The following SPATA6 variants were observed in gnomAD, a reference collection of about 807,000 sequenced individuals.
SPATA6 encodes the protein spermatogenesis associated 6.
SPATA6 carries 56 observed loss-of-function variants against 65.3 expected under a neutral mutation model. The observed-to-expected ratio is 0.86, with a 90% CI of 0.69 to 1.07. SPATA6 has a LOEUF of 1.07. Among genes scored for constraint, SPATA6 ranks in the 50% least tolerant of loss-of-function variants. The probability of loss-of-function intolerance (pLI) is 0.00; values close to 1 mark genes in which losing one functional copy is unlikely to be tolerated. For missense variants in SPATA6, 590 were observed against 594.8 expected, an observed-to-expected ratio of 0.99 and a Z score of 0.08; for synonymous variants, 199 against 213.2, an observed-to-expected ratio of 0.93 and a Z score of 0.58.
In SPATA6 at chr1:48,394,980, TAATC is replaced by T. The variant is rs529709095; in HGVS notation, c.868+283_868+286del. The stretch of plus-strand genomic sequence containing the variant: ...TATAAAATGTTGAGTAAAAGTAAAT[TAATC>T]AAGTCATTTTTTACTAGAATATATC... On this transcript the variant is annotated intron_variant, in intron 8 of 12. Coordinates refer to ENST00000371847, the MANE Select transcript of SPATA6 (RefSeq NM_019073.4). Among the ~76,000 whole-genome samples the T allele has an allele frequency of 6.6e-5, 10 of 152,124 alleles. No individual in the cohort carries two copies. The East Asian group carries it at 1.9e-3, about 29-fold the overall frequency.
the SPATA6 span, among the ~76,000 whole-genome samples, chr1:48,277,650 C>A: frequency 6.6e-6 from 1 of 152,250 alleles, no homozygotes; most frequent in African/African-American, 2.4e-5. Context: ...ATTGCGCAGG[C>A]TTGCTTAGGT....
Position 48,413,123 on chromosome 1 carries a change from C to A in SPATA6, c.267G>T (p.Gln89His), listed in dbSNP as rs542534927. 20 of 1,384,270 alleles carry A rather than the reference C, an allele frequency of 1.4e-5. No individual in the cohort carries two copies. The highest frequency in any genetic ancestry group is 1.9e-5 in the Non-Finnish European group (20 of 1,062,340). 85.7% of individuals were successfully genotyped at this position (1,384,270 alleles called of 1,614,324 possible). A position where few individuals can be genotyped will look rare whatever the true frequency, so the allele number is the denominator to read the frequency against. Reference protein sequence around the residue: ...EYDTAVFELIQLVPPVGETLS... With the variant: ...EYDTAVFELIHLVPPVGETLS... ...AATATATATTACCTGGTGGAACTAG[C>A]TGTATCAACTCGAACACTGCTGTAT... Residue 89 changes from glutamine to histidine, a missense_variant, in exon 4 of 13, where the codon CAG becomes CAT. Transcript: ENST00000371847.
At chr1:48,310,626 G>A (rs1490368157) in intron 11 of SPATA6, among the ~76,000 whole-genome samples, 3 of 152,152 alleles carry the variant, frequency 2.0e-5, no homozygotes, top group Non-Finnish European at 4.4e-5. Context: ...AACAGGATGT[G>A]TGTACAGTTC....
chr1:48,324,128 T>G (rs71645900), intron 11 of SPATA6, among the ~76,000 whole-genome samples: 1 of 151,944 alleles, frequency 6.6e-6, no homozygotes, highest in Non-Finnish European at 1.5e-5. Flanking sequence ...CTATTATTAT[T>G]ATTATTATTT....
chr1:48,311,284 C>T (rs1645200428), intron 11 of SPATA6, among the ~76,000 whole-genome samples: 1 of 151,884 alleles, frequency 6.6e-6, no homozygotes, highest in South Asian at 2.1e-4. Context: ...TTCTTTGAAA[C>T]CATAAAACAT....
At chr1:48,307,245 C>A (rs1477964491) in intron 11 of SPATA6, among the ~76,000 whole-genome samples, 1 of 150,894 alleles carries the variant, frequency 6.6e-6, no homozygotes. Context: ...CCATCTAGAT[C>A]AAGGATATCA....
intron 3 of SPATA6, among the ~76,000 whole-genome samples, chr1:48,430,569 G>T (rs191134648): frequency 6.6e-6 from 1 of 152,216 alleles, no homozygotes; most frequent in East Asian, 1.9e-4. Flanking sequence ...AAATATGCGG[G>T]AAGTTATAAA....
chr1:48,369,279 T>C (rs1647148959), intron 9 of SPATA6, among the ~76,000 whole-genome samples: 1 of 152,182 alleles, frequency 6.6e-6, no homozygotes, highest in Non-Finnish European at 1.5e-5. Flanking sequence ...TTCTCAGATC[T>C]CCAGCTGCGT....
At chr1:48,410,398 A>G (rs1652105033) in intron 5 of SPATA6, among the ~76,000 whole-genome samples, 1 of 152,214 alleles carries the variant, frequency 6.6e-6, no homozygotes, top group South Asian at 2.1e-4. Flanking sequence ...AGGAAGTTCC[A>G]AACTTTCCCA....
intron 11 of SPATA6, among the ~76,000 whole-genome samples, chr1:48,352,961 G>C (rs2148799042): frequency 6.8e-6 from 1 of 146,836 alleles, no homozygotes; most frequent in South Asian, 2.2e-4. Flanking sequence ...CAAAACTATT[G>C]TTCATAAATA....
intron 11 of SPATA6, among the ~76,000 whole-genome samples, chr1:48,312,292 G>A: frequency 6.6e-6 from 1 of 152,178 alleles, no homozygotes; most frequent in Non-Finnish European, 1.5e-5. Context: ...TGACACCCGA[G>A]CAGCCTAACT....
intron 4 of SPATA6, among the ~76,000 whole-genome samples, chr1:48,411,958 C>T (rs1424440304): frequency 2.6e-5 from 4 of 151,968 alleles, no homozygotes; most frequent in Non-Finnish European, 5.9e-5. Flanking sequence ...CCACCCCACC[C>T]TGGGTTCAAG....
chr1:48,385,810 T>A (rs192641092), intron 8 of SPATA6, among the ~76,000 whole-genome samples: 64 of 152,270 alleles, frequency 4.2e-4, no homozygotes, highest in African/African-American at 1.5e-3. Context: ...TTATAGATCT[T>A]GTTGACAAAT....
intron 10 of SPATA6, among the ~76,000 whole-genome samples, chr1:48,359,113 T>G (rs190503792): frequency 3.4e-4 from 52 of 152,330 alleles, no homozygotes; most frequent in Middle Eastern, 3.4e-3. Flanking sequence ...TGCCATAGCA[T>G]TTTTAAAGGG....
the SPATA6 span, among the ~76,000 whole-genome samples, chr1:48,282,029 A>G: frequency 1.3e-5 from 2 of 152,174 alleles, no homozygotes; most frequent in South Asian, 2.1e-4. Flanking sequence ...AAATAACGCC[A>G]CGTATCTACA....
At chr1:48,425,971 T>C (rs1222738334) in intron 3 of SPATA6, among the ~76,000 whole-genome samples, 1 of 151,922 alleles carries the variant, frequency 6.6e-6, no homozygotes, top group Non-Finnish European at 1.5e-5. Flanking sequence ...TCAAACTACA[T>C]TACTAAGTCA....
At chr1:48,462,195 G>T (rs1048402503) in intron 1 of SPATA6, among the ~76,000 whole-genome samples, 4 of 151,864 alleles carry the variant, frequency 2.6e-5, no homozygotes, top group African/African-American at 7.3e-5. Flanking sequence ...GGACTGTTGT[G>T]GGGTGGGGGG....
intron 11 of SPATA6, among the ~76,000 whole-genome samples, chr1:48,329,057 A>G (rs1220127242): frequency 2.0e-5 from 3 of 152,204 alleles, no homozygotes; most frequent in Non-Finnish European, 4.4e-5. Context: ...GGTCTTGATG[A>G]AATATTAATA....
At chr1:48,366,399 AG>A (rs1647013443) in intron 9 of SPATA6, among the ~76,000 whole-genome samples, 1 of 152,206 alleles carries the variant, frequency 6.6e-6, no homozygotes, top group Non-Finnish European at 1.5e-5. Flanking sequence ...TACCTCTGGT[AG>A]AATTCGGCTG....
Sources: allele counts gnomAD v4.1 joint callset (sites outside exome capture counted in the v4.1 genomes callset), GRCh38; gene constraint gnomAD v4.1.1; transcripts MANE v1.5; gene names NCBI Gene and HGNC (gene_info 2026-07-23, HGNC 2026-07-21).